The following TRMT44 variants were observed in gnomAD, a reference collection of about 807,000 sequenced individuals.
TRMT44 encodes the protein probable tRNA (uracil-O(2)-)-methyltransferase.
Under a neutral mutation model 77.3 loss-of-function variants are expected in TRMT44, and 78 were observed. The ratio of observed to expected loss-of-function variants is 1.01; its 90% CI spans 0.84 to 1.22. TRMT44 has a LOEUF of 1.22. Ranked by LOEUF, TRMT44 falls within the 50% of genes most tolerant of loss-of-function variation. The probability of loss-of-function intolerance (pLI) is 0.00; values close to 1 mark genes in which losing one functional copy is unlikely to be tolerated. For missense variants in TRMT44, 1,090 were observed against 964.4 expected, an observed-to-expected ratio of 1.13 and a Z score of -1.73; for synonymous variants, 391 against 383.3, an observed-to-expected ratio of 1.02 and a Z score of -0.23.
rs1725479609 is a variant in TRMT44 at position 8,451,962 on chromosome 4, G to T, written c.957G>T (p.Val319=). The T allele has an allele frequency of 2.6e-6, 4 of 1,536,612 alleles. No homozygotes were observed. The highest frequency in any genetic ancestry group is 3.5e-6 in the Non-Finnish European group (4 of 1,147,032). The change falls in exon 4 of 11, where the codon GTG becomes GTT. Residue 319 remains valine (V), a splice_region_variant and synonymous_variant. Transcript: ENST00000389737. The surrounding 1 kb of genome is among the most constrained non-coding windows in gnomAD (Gnocchi z 4.1). ...GTTTGCTCTTGAAACTGTTTTAGGT[G>T]TGGCCTGAAGTCACTGATCCTGAGA... ...LKEKYKEMVK[V]WPEVTDPEKF...
intron 10 of TRMT44, among the ~76,000 whole-genome samples, chr4:8,471,427 C>T (rs917043871): frequency 6.6e-6 from 1 of 152,332 alleles, no homozygotes; most frequent in South Asian, 2.1e-4. Flanking sequence ...CATGCGATGT[C>T]CCCAGGCTGG....
In TRMT44 at chr4:8,465,538, C is replaced by G. The variant is rs1726480982; in HGVS notation, c.1471C>G (p.Leu491Val). 6.2e-7 allele frequency: 1 copy of G among 1,612,964 alleles called. No homozygotes were observed. The highest frequency in any genetic ancestry group is 1.1e-5 in the South Asian group (1 of 90,804). The stretch of plus-strand genomic sequence containing the variant: ...TGGGTTTCACGTGGACGAAGACTGC[C>G]TCAGGATTCCTTCAACCAAAAGAGT... ...TCGFHVDEDC[L>V]RIPSTKRVCL... The change falls in exon 8 of 11, where the codon CTC (leucine) becomes GTC (valine). Residue 491 changes from leucine (L) to valine (V), a missense_variant. Transcript: ENST00000389737.
the TRMT44 span, chr4:8,512,715 T>C: frequency 3.3e-5 from 5 of 152,216 alleles, no homozygotes; most frequent in Non-Finnish European, 5.9e-5. Flanking sequence ...TCACCAGACG[T>C]AGGGTGTCCT....
chr4:8,452,149 C>G lies in TRMT44; in HGVS notation c.1023+121C>G. The G allele has an allele frequency of 1.1e-6, 1 of 911,224 alleles. No individual in the cohort carries two copies. Among genetic ancestry groups the G allele is most frequent in the African/African-American group, 1.6e-5 (1 of 60,782 alleles). The allele number at this position is 911,224 out of a possible 1,614,324, so 56.4% of individuals were successfully genotyped here. ...TGCCGGTGCTCACAATTCTGCTGGC[C>G]AAGGTTGGTTTCTCGTGTAATGGTT... is the stretch of plus-strand genomic sequence containing the variant. On this transcript the variant is annotated intron_variant, in intron 4 of 10. Transcript: ENST00000389737. This position sits in a 1 kb window ranked among gnomAD's most constrained non-coding sequence, Gnocchi z 5.7.
chr4:8,502,079 A>G, the TRMT44 span, among the ~76,000 whole-genome samples: 1 of 152,292 alleles, frequency 6.6e-6, no homozygotes, highest in East Asian at 1.9e-4. Context: ...GGGAGAATAA[A>G]TTTGGTTCTG....
In TRMT44 at chr4:8,492,726, A is replaced by G. The variant is rs114422727; in HGVS notation, n.3892-540A>G. ...CTCAAAGCCACCTCTGCTCACTGAG[A>G]TAGATGCGTCTCTGCCTGCCTCCTT... On this transcript the variant is annotated intron_variant and non_coding_transcript_variant, in intron 2 of 2. Coordinates refer to the TRMT44 transcript ENST00000511366. Among the ~76,000 whole-genome samples, 1,190 of 152,330 alleles carry G rather than the reference A, an allele frequency of 7.8e-3. 15 individuals are homozygous for G. Among genetic ancestry groups the G allele is most frequent in the African/African-American group, 0.027 (1,139 of 41,572 alleles).
At position 8,441,235 on chromosome 4, in the gene TRMT44, C is replaced by T. The variant is rs1232730120; in HGVS notation, c.413C>T (p.Pro138Leu). 2.0e-6 allele frequency: 3 copies of T among 1,535,458 alleles called. No individual in the cohort carries two copies. The highest frequency in any genetic ancestry group is 2.6e-6 in the Non-Finnish European group (3 of 1,146,582). The change falls in exon 1 of 11, where the codon CCC becomes CTC. Residue 138 changes from proline to leucine, a missense_variant. By Grantham distance (98) the Pro-to-Leu change is moderately conservative. Coordinates refer to ENST00000389737, the MANE Select transcript of TRMT44 (RefSeq NM_152544.3). ...GHAEGREGDF[P>L]AADLDSLWED... Reference sequence around the variant, plus strand: ...GCTGAAGGAAGGGAGGGCGACTTCCCCGCCGCAGATCTGGATTCGCTTTGG... The same window carrying T: ...GCTGAAGGAAGGGAGGGCGACTTCCTCGCCGCAGATCTGGATTCGCTTTGG...
At chr4:8,506,181 C>T in the TRMT44 span, among the ~76,000 whole-genome samples, 5 of 152,338 alleles carry the variant, frequency 3.3e-5, no homozygotes, top group South Asian at 8.3e-4. Flanking sequence ...GGGACATTCA[C>T]AAGGAGACCT....
chr4:8,479,870 T>A (rs746085603), downstream of TRMT44, among the ~76,000 whole-genome samples: 3 of 152,192 alleles, frequency 2.0e-5, no homozygotes, highest in Non-Finnish European at 2.9e-5. Flanking sequence ...ACAAAAATAT[T>A]TTTCCTTTTT....
In TRMT44 at chr4:8,440,807, A is replaced by T; in HGVS notation, c.-16A>T. The stretch of plus-strand genomic sequence containing the variant: ...CTCGGCGCGCCGCTGCCAGGGCTGT[A>T]CACCTGCTGGCTGCCATGGCTGAGG... On this transcript the variant is annotated 5_prime_UTR_variant, in exon 1 of 11. Transcript: ENST00000389737. The T allele has an allele frequency of 1.4e-6, 2 of 1,437,944 alleles. No homozygotes were observed. The highest frequency in any genetic ancestry group is 1.8e-6 in the Non-Finnish European group (2 of 1,098,898). 89.1% of individuals were successfully genotyped at this position (1,437,944 alleles called of 1,614,324 possible).
intron 7 of TRMT44, 55 bp from the exon 8 acceptor site, chr4:8,465,323 C>T: frequency 6.6e-7 from 1 of 1,525,168 alleles, no homozygotes; most frequent in Non-Finnish European, 8.8e-7. Flanking sequence ...TCCGAATTTC[C>T]TTGACTGCGT....
In TRMT44 at chr4:8,475,797, C is replaced by T. The variant is rs551114784; in HGVS notation, c.2070C>T (p.Arg690=). The change falls in exon 11 of 11, where the codon CGC becomes CGT. Residue 690 remains arginine, a synonymous_variant. Coordinates refer to ENST00000389737, the MANE Select transcript of TRMT44 (RefSeq NM_152544.3). ...TTGTGAATGGGAGAGTTCACATCCG[C>T]GACTGGCGAGAGGAGACACTGTGGA... ...FQVVNGRVHI[R]DWREETLWKT... 41 of 1,614,110 alleles carry T rather than the reference C, an allele frequency of 2.5e-5. No individual in the cohort carries two copies. Among genetic ancestry groups the T allele is most frequent in the Admixed American group, 3.3e-5 (2 of 60,026 alleles).
At chr4:8,465,685 G>T in intron 8 of TRMT44, 124 bp downstream of exon 8, 1 of 856,212 alleles carries the variant, frequency 1.2e-6, no homozygotes, top group Non-Finnish European at 1.8e-6. Context: ...TGCCGGTGCT[G>T]ATTTCTGTGC....
chr4:8,488,563 C>T (rs550277841), intron 2 of TRMT44, among the ~76,000 whole-genome samples: 2 of 152,314 alleles, frequency 1.3e-5, no homozygotes, highest in African/African-American at 4.8e-5. Flanking sequence ...GCCATTTACA[C>T]TTCTTTTGTG....
At chr4:8,454,590 T>A (rs1442218050) in intron 5 of TRMT44, 152 bp from the exon 6 acceptor site, 1 of 663,506 alleles carries the variant, frequency 1.5e-6, no homozygotes, top group Non-Finnish European at 2.6e-6. Flanking sequence ...CCTGGTGCGC[T>A]GGACACATCA....
chr4:8,478,313 G>A (rs1345728900), downstream of TRMT44: 1 of 152,770 alleles, frequency 6.5e-6, no homozygotes, highest in Non-Finnish European at 1.5e-5. Flanking sequence ...GGGGCATGTG[G>A]GGTGGCCCTG....
the TRMT44 span, among the ~76,000 whole-genome samples, chr4:8,499,539 C>A: frequency 1.6e-5 from 1 of 61,642 alleles, no homozygotes; most frequent in African/African-American, 6.5e-5. Flanking sequence ...GGGGTGAGGT[C>A]GTGTGTGTTG....
rs928223562 is a variant in TRMT44, at chr4:8,476,362, A to G, written c.*361A>G. 17 of 292,424 alleles carry G rather than the reference A, an allele frequency of 5.8e-5. No homozygotes were observed. The highest frequency in any genetic ancestry group is 1.5e-4 in the Admixed American group (3 of 20,326). The allele number at this position is 292,424 out of a possible 1,614,324, so 18.1% of individuals were successfully genotyped here. A position where few individuals can be genotyped will look rare whatever the true frequency, so the allele number is the denominator to read the frequency against. On this transcript the variant is annotated 3_prime_UTR_variant, in exon 11 of 11. Coordinates refer to ENST00000389737, the MANE Select transcript of TRMT44 (RefSeq NM_152544.3). ...GGCGCTGTCCGACGCCTGCCCCACCATGTCCACATCTGTGAAGAGGATGGG... is the reference window on the plus strand; with the variant it reads ...GGCGCTGTCCGACGCCTGCCCCACCGTGTCCACATCTGTGAAGAGGATGGG...
At chr4:8,460,566 C>CT (rs56738130) in intron 6 of TRMT44, among the ~76,000 whole-genome samples, 2,706 of 147,560 alleles carry the variant, frequency 0.018, 43 homozygotes, top group South Asian at 0.055. Context: ...TGGCCTCACT[C>CT]TTTTTTTTTT....
Sources: allele counts gnomAD v4.1 joint callset (sites outside exome capture counted in the v4.1 genomes callset), GRCh38; gene constraint gnomAD v4.1.1; non-coding constraint Gnocchi (gnomAD v3.1); transcripts MANE v1.5; gene names NCBI Gene and HGNC (gene_info 2026-07-23, HGNC 2026-07-21).